TTC23: variants seen among roughly 807,000 people sequenced by gnomAD.
TTC23 encodes tetratricopeptide repeat protein 23.
TTC23 carries 58 observed loss-of-function variants against 55.1 expected under a neutral mutation model. The observed-to-expected ratio is 1.05, with a 90% CI of 0.85 to 1.31. TTC23 has a LOEUF of 1.31. Among genes scored for constraint, TTC23 ranks in the 50% most tolerant of loss-of-function variants. The pLI is 0.00. For missense variants in TTC23, 516 were observed against 534.4 expected (o/e 0.97, Z 0.34); for synonymous variants, 203 against 199.9 (o/e 1.02, Z -0.13).
At chr15:99,183,141 ATGAAGT>A (rs1183226446) in intron 9 of TTC23, among the ~76,000 whole-genome samples, 1 of 152,190 alleles carries the variant, frequency 6.6e-6, no homozygotes, top group African/African-American at 2.4e-5. Flanking sequence ...GATAAGGACA[ATGAAGT>A]CCACGCTGAG....
intron 4 of TTC23, among the ~76,000 whole-genome samples, chr15:99,229,665 T>C (rs901040562): frequency 6.6e-6 from 1 of 152,222 alleles, no homozygotes; most frequent in African/African-American, 2.4e-5. Context: ...GAATACTGAT[T>C]AGCATGTGTG....
chr15:99,150,959 T>A (rs1030530813), intron 12 of TTC23, among the ~76,000 whole-genome samples: 4 of 152,348 alleles, frequency 2.6e-5, no homozygotes, highest in Middle Eastern at 3.4e-3. Context: ...AGCCTGGGAA[T>A]TCCTGTTTCT....
intron 12 of TTC23, among the ~76,000 whole-genome samples, chr15:99,143,701 T>C (rs1644032719): frequency 6.6e-6 from 1 of 152,250 alleles, no homozygotes; most frequent in South Asian, 2.1e-4. Context: ...TTTCTACTAT[T>C]CCTTAAATAC....
chr15:99,181,325 A>C (rs973346697), intron 9 of TTC23, among the ~76,000 whole-genome samples: 7 of 152,346 alleles, frequency 4.6e-5, no homozygotes, highest in Admixed American at 3.9e-4. Flanking sequence ...GGCTGCCTAG[A>C]GGGAAGAGTG....
At chr15:99,200,689 A>G (rs1278557387) in intron 8 of TTC23, among the ~76,000 whole-genome samples, 4 of 152,200 alleles carry the variant, frequency 2.6e-5, no homozygotes, top group African/African-American at 4.8e-5. Flanking sequence ...ACACGCACAT[A>G]CACACATACA....
At chr15:99,173,465 A>G (rs2073186903) in intron 10 of TTC23, among the ~76,000 whole-genome samples, 1 of 152,196 alleles carries the variant, frequency 6.6e-6, no homozygotes, top group Admixed American at 6.5e-5. Flanking sequence ...GTGTGCCTGT[A>G]GTCCCACCTA....
At chr15:99,201,754 G>A (rs1008064783) in intron 8 of TTC23, among the ~76,000 whole-genome samples, 10 of 152,136 alleles carry the variant, frequency 6.6e-5, no homozygotes, top group South Asian at 4.1e-4. Flanking sequence ...CAGTAATACC[G>A]GTCTTCCTTT....
At chr15:99,170,948 A>G (rs1437388283) in intron 10 of TTC23, among the ~76,000 whole-genome samples, 3 of 152,194 alleles carry the variant, frequency 2.0e-5, no homozygotes, top group Non-Finnish European at 4.4e-5. Context: ...AAGGATTTCA[A>G]TGGCAGCAGT....
intron 5 of TTC23, among the ~76,000 whole-genome samples, chr15:99,222,375 C>T (rs886452750): frequency 2.0e-5 from 3 of 152,128 alleles, no homozygotes; most frequent in Admixed American, 6.5e-5. Flanking sequence ...CCAGGGGGCT[C>T]GAGCAATCCT....
intron 9 of TTC23, among the ~76,000 whole-genome samples, chr15:99,197,139 A>G (rs1277686742): frequency 3.3e-5 from 5 of 150,456 alleles, no homozygotes; most frequent in Admixed American, 6.6e-5. Context: ...GTCACGCTCC[A>G]ACGCCCAGGC....
At chr15:99,194,201 G>T (rs747137879) in intron 9 of TTC23, among the ~76,000 whole-genome samples, 21 of 152,098 alleles carry the variant, frequency 1.4e-4, no homozygotes, top group Non-Finnish European at 2.6e-4. Context: ...CAGATTCAAT[G>T]TAATCCTAAT....
At chr15:99,203,310 G>A (rs1019540008) in intron 8 of TTC23, among the ~76,000 whole-genome samples, 3 of 151,994 alleles carry the variant, frequency 2.0e-5, no homozygotes, top group Admixed American at 2.0e-4. Context: ...TGGATTAGAG[G>A]ACAAATTTTT....
intron 12 of TTC23, among the ~76,000 whole-genome samples, chr15:99,152,439 T>C (rs2069913824): frequency 6.6e-6 from 1 of 152,168 alleles, no homozygotes; most frequent in Non-Finnish European, 1.5e-5. Context: ...TGCAGTGGCA[T>C]GATCTCGGCT....
Position 99,170,488 on chromosome 15 carries a change from T to A in TTC23, c.865+4562A>T, listed in dbSNP as rs529501776. Among the ~76,000 whole-genome samples the A allele has an allele frequency of 1.2e-3, 184 of 152,250 alleles. 1 individual carries two copies. The highest frequency in any genetic ancestry group is 4.7e-3 in the Admixed American group (72 of 15,282). On this transcript the variant is annotated intron_variant, in intron 10 of 13. Transcript: ENST00000394132. ...AAGCACAGGAGAGCAGAGCTAAGAT[T>A]CCCCCTTGGTGCTGGGTGGAATGTG... is the stretch of plus-strand genomic sequence containing the variant.
intron 10 of TTC23, among the ~76,000 whole-genome samples, chr15:99,168,510 C>T (rs946836940): frequency 9.2e-5 from 14 of 152,198 alleles, no homozygotes; most frequent in South Asian, 4.1e-4. Flanking sequence ...GAAGCCAAGT[C>T]GGGGTGTAAG....
intron 12 of TTC23, among the ~76,000 whole-genome samples, chr15:99,149,153 C>T (rs538848583): frequency 1.3e-5 from 2 of 152,316 alleles, no homozygotes; most frequent in East Asian, 3.9e-4. Context: ...TTGAGAAACT[C>T]CAGTCAGCAG....
At chr15:99,162,356 C>T (rs1291491786) in intron 10 of TTC23, among the ~76,000 whole-genome samples, 1 of 152,126 alleles carries the variant, frequency 6.6e-6, no homozygotes, top group Non-Finnish European at 1.5e-5. Context: ...TCATTCAAAA[C>T]CCCAATCATT....
At chr15:99,227,345 C>T (rs1013107022) in intron 5 of TTC23, among the ~76,000 whole-genome samples, 12 of 152,142 alleles carry the variant, frequency 7.9e-5, no homozygotes, top group African/African-American at 2.9e-4. Flanking sequence ...CAGTCCTGTC[C>T]CACTGATTTG....
At chr15:99,151,037 G>A (rs1346229534) in intron 12 of TTC23, among the ~76,000 whole-genome samples, 1 of 151,700 alleles carries the variant, frequency 6.6e-6, no homozygotes, top group Non-Finnish European at 1.5e-5. Context: ...CTTCACTCCC[G>A]TAGATCCCAG....
Sources: allele counts gnomAD v4.1 joint callset (sites outside exome capture counted in the v4.1 genomes callset), GRCh38; gene constraint gnomAD v4.1.1; transcripts MANE v1.5; gene names NCBI Gene and HGNC (gene_info 2026-07-23, HGNC 2026-07-21).